Variants in PPP1R9A observed in about 807,000 individuals in gnomAD.
PPP1R9A encodes protein phosphatase 1 regulatory subunit 9A, also known as neurabin-1.
In PPP1R9A, 59 loss-of-function variants were observed where a neutral mutation model predicts 141.9. The ratio of observed to expected loss-of-function variants is 0.42; its 90% CI spans 0.34 to 0.52. The LOEUF (loss-of-function observed/expected upper bound fraction) is 0.52, where lower values mean the gene tolerates loss of function less well. Ranked by LOEUF, PPP1R9A falls within the 20% of genes least tolerant of loss-of-function variation. The pLI is 0.10. For synonymous variants in PPP1R9A, 500 were observed against 569.7 expected, an observed-to-expected ratio of 0.88 and a Z score of 1.74; for missense variants, 1,444 against 1,611.9, an observed-to-expected ratio of 0.90 and a Z score of 1.78.
intron 2 of PPP1R9A, among the ~76,000 whole-genome samples, chr7:94,977,764 C>CTTT (rs370362125): frequency 7.6e-6 from 1 of 131,364 alleles, no homozygotes; most frequent in Non-Finnish European, 1.7e-5. Context: ...TTTTCATTTT[C>CTTT]TTTTTTTTTT....
chr7:95,219,365 TG>T (rs1794054107), intron 7 of PPP1R9A, among the ~76,000 whole-genome samples: 1 of 152,212 alleles, frequency 6.6e-6, no homozygotes, highest in African/African-American at 2.4e-5. Flanking sequence ...TTGCCCTTTG[TG>T]GGTAACCCGA....
At chr7:95,010,158 G>A (rs1283808176) in intron 2 of PPP1R9A, among the ~76,000 whole-genome samples, 1 of 152,182 alleles carries the variant, frequency 6.6e-6, no homozygotes, top group African/African-American at 2.4e-5. Context: ...TTAGGGGGCT[G>A]AGGCAGGAGG....
rs187926493 is a variant in PPP1R9A at position 95,107,841 on chromosome 7, A to G, written c.1396-3418A>G. ...TCATAAATTAACTTAGGGTAAACTG[A>G]TATTTACAGTTATTTAGAAATGTGG... On this transcript the variant is annotated intron_variant, in intron 2 of 19. Coordinates refer to ENST00000433360, the MANE Select transcript of PPP1R9A (RefSeq NM_001166160.2). 1.8e-3 allele frequency among the ~76,000 whole-genome samples: 267 copies of G among 152,218 alleles called. 1 individual carries two copies. Among genetic ancestry groups the G allele is most frequent in the African/African-American group, 6.2e-3 (259 of 41,548 alleles).
rs971595529 is a variant in PPP1R9A, at chr7:95,295,313, G to A, written c.*5010G>A. 1.3e-5 allele frequency: 2 copies of A among 152,498 alleles called. No homozygotes were observed. Among genetic ancestry groups the A allele is most frequent in the African/African-American group, 4.8e-5 (2 of 41,390 alleles). The allele number at this position is 152,498 out of a possible 1,614,324, so 9.4% of individuals were successfully genotyped here. On this transcript the variant is annotated 3_prime_UTR_variant, in exon 20 of 20. Coordinates refer to ENST00000433360, the MANE Select transcript of PPP1R9A (RefSeq NM_001166160.2). ...ACTAAATGCACTTATCCTTCTATAT[G>A]TTTATATATTTTGGTAAAATTGATT...
In PPP1R9A at chr7:95,287,504, C is replaced by T. The variant is rs1805571509; in HGVS notation, c.3730-1032C>T. On this transcript the variant is annotated intron_variant, in intron 18 of 19. Coordinates refer to ENST00000433360, the MANE Select transcript of PPP1R9A (RefSeq NM_001166160.2). ...GTCTTTCCTTCAAGACCTATCATCA[C>T]CTTCATCTCCTCTCAGCTTAGTGGG... 2.6e-5 allele frequency among the ~76,000 whole-genome samples: 4 copies of T among 152,186 alleles called. No individual in the cohort carries two copies. The South Asian group carries it at 6.2e-4, about 24-fold the overall frequency.
chr7:95,255,898 G>A (rs754308000), intron 12 of PPP1R9A, among the ~76,000 whole-genome samples: 13 of 152,068 alleles, frequency 8.5e-5, no homozygotes, highest in Non-Finnish European at 1.8e-4. Context: ...CAGTTTTGAA[G>A]CATAACAGGA....
chr7:94,969,467 C>G (rs535544607), intron 2 of PPP1R9A, among the ~76,000 whole-genome samples: 9 of 152,184 alleles, frequency 5.9e-5, no homozygotes, highest in Non-Finnish European at 8.8e-5. Context: ...TGGGTATTAC[C>G]AGTGGAGGCT....
chr7:95,205,982 G>C (rs190548933), intron 7 of PPP1R9A, among the ~76,000 whole-genome samples: 1 of 151,960 alleles, frequency 6.6e-6, no homozygotes, highest in African/African-American at 2.4e-5. Context: ...AAACAAACGT[G>C]CATATTTTAG....
At chr7:95,130,768 C>CA (rs918837116) in intron 4 of PPP1R9A, among the ~76,000 whole-genome samples, 33 of 152,278 alleles carry the variant, frequency 2.2e-4, no homozygotes, top group Admixed American at 1.2e-3. Flanking sequence ...CAAAGGAGAT[C>CA]ATTTTGGAAC....
chr7:95,028,091 A>G (rs1807146262), intron 2 of PPP1R9A, among the ~76,000 whole-genome samples: 1 of 152,208 alleles, frequency 6.6e-6, no homozygotes, highest in Non-Finnish European at 1.5e-5. Flanking sequence ...GGGCTGTCTC[A>G]TATCACCAAA....
chr7:95,269,255 C>T lies in PPP1R9A; in HGVS notation c.2872C>T (p.Pro958Ser), dbSNP rs1163414360. The T allele has an allele frequency of 6.4e-7, 1 of 1,570,314 alleles. No individual in the cohort carries two copies. The highest frequency in any genetic ancestry group is 1.7e-5 in the Admixed American group (1 of 59,782). ...NHMHITKLLP[P>S]KGLRTSSPES... is the part of the protein sequence containing the mutation. ...CATGCATATTACCAAATTACTTCCA[C>T]CTAAGGGTTTGAGAACGTCTTCTCC... Residue 958 changes from proline to serine, a missense_variant, in exon 14 of 20, where the codon CCT (proline) becomes TCT (serine). By Grantham distance (74) the Pro-to-Ser change is moderately conservative. This residue lies in a region of PPP1R9A where 459 missense variants were observed against 513.8 expected (regional missense o/e 0.89). Coordinates refer to ENST00000433360, the MANE Select transcript of PPP1R9A (RefSeq NM_001166160.2).
At chr7:95,263,252 C>T (rs192135314) in intron 12 of PPP1R9A, among the ~76,000 whole-genome samples, 163 of 152,218 alleles carry the variant, frequency 1.1e-3, no homozygotes, top group African/African-American at 3.1e-3. Context: ...ATTTTAACTA[C>T]GCAAGTAATA....
At position 95,269,411 on chromosome 7, in the gene PPP1R9A, G is replaced by T. The variant is rs779650768; in HGVS notation, c.3028G>T (p.Asp1010Tyr). 75 of 1,596,186 alleles carry T rather than the reference G, an allele frequency of 4.7e-5. No individual in the cohort carries two copies. Among genetic ancestry groups the T allele is most frequent in the Non-Finnish European group, 5.9e-5 (69 of 1,177,256 alleles). ...GGGGCCTCTCTCCTCTATGTGGGGA[G>T]ACACTTCACTGTTTTCTACTTCAAA... ...EMGPLSSMWGDTSLFSTSKSD... is the reference protein window; with the variant it reads ...EMGPLSSMWGYTSLFSTSKSD... The change falls in exon 14 of 20, where the codon GAC becomes TAC. Residue 1010 changes from aspartate (D) to tyrosine (Y), a missense_variant. Asp to Tyr is a radical substitution (Grantham distance 160). Around this residue, in one of 5 missense-constraint regions of PPP1R9A, gnomAD observed 459 missense variants for 513.8 expected, o/e 0.89. Transcript: ENST00000433360.
At chr7:94,991,066 C>T (rs973282179) in intron 2 of PPP1R9A, among the ~76,000 whole-genome samples, 1 of 151,992 alleles carries the variant, frequency 6.6e-6, no homozygotes, top group Non-Finnish European at 1.5e-5. Flanking sequence ...GAAAAATGCC[C>T]CAGCAATGGT....
At chr7:95,234,760 C>T (rs775163344) in intron 8 of PPP1R9A, among the ~76,000 whole-genome samples, 3 of 152,060 alleles carry the variant, frequency 2.0e-5, no homozygotes, top group Non-Finnish European at 2.9e-5. Context: ...ATCACATTAC[C>T]CAACTTCAAA....
intron 12 of PPP1R9A, among the ~76,000 whole-genome samples, chr7:95,267,558 G>T (rs920435273): frequency 2.0e-5 from 3 of 151,980 alleles, no homozygotes; most frequent in Non-Finnish European, 2.9e-5. Context: ...TAACTTCGGG[G>T]TCCTAACTTA....
At chr7:95,283,757 G>A (rs747712620) in intron 16 of PPP1R9A, among the ~76,000 whole-genome samples, 4 of 151,970 alleles carry the variant, frequency 2.6e-5, no homozygotes, top group Non-Finnish European at 5.9e-5. Context: ...ATTCATCTAC[G>A]TACACTTATT....
intron 2 of PPP1R9A, among the ~76,000 whole-genome samples, chr7:94,947,094 G>GGTTGTTACTTTTAAGTGAAA (rs1293786710): frequency 2.0e-5 from 3 of 152,024 alleles, no homozygotes; most frequent in African/African-American, 7.2e-5. Flanking sequence ...ACTTGAATAT[G>GGTTGTTACTTTTAAGTGAAA]GTTGTTACTT....
At chr7:95,286,095 A>G (rs926598581) in intron 17 of PPP1R9A, 111 bp from the exon 18 acceptor site, 1 of 1,477,942 alleles carries the variant, frequency 6.8e-7, no homozygotes, top group African/African-American at 1.4e-5. Flanking sequence ...CAAATCATAC[A>G]TGAATTTCTG....
Sources: allele counts gnomAD v4.1 joint callset (sites outside exome capture counted in the v4.1 genomes callset), GRCh38; gene constraint gnomAD v4.1.1; regional missense constraint gnomAD v4.1.1; transcripts MANE v1.5; gene names NCBI Gene and HGNC (gene_info 2026-07-23, HGNC 2026-07-21).